The following XRN1 variants were observed in gnomAD, a reference collection of about 807,000 sequenced individuals.
XRN1 encodes the protein 5'-3' exoribonuclease 1, also known as strand-exchange protein 1 homolog.
XRN1 carries 67 observed loss-of-function variants against 222.3 expected under a neutral mutation model. The ratio of observed to expected loss-of-function variants is 0.30; its 90% confidence interval spans 0.25 to 0.37. The LOEUF (loss-of-function observed/expected upper bound fraction) is 0.37, where lower values mean the gene tolerates loss of function less well. Among genes scored for constraint, XRN1 ranks in the 10% least tolerant of loss-of-function variants. The pLI, the probability that XRN1 is intolerant of heterozygous loss-of-function variation, is 1.00. For missense variants in XRN1, 1,707 were observed against 2,000.2 expected, an observed-to-expected ratio of 0.85 and a Z score of 2.80; for synonymous variants, 643 against 652.4, an observed-to-expected ratio of 0.99 and a Z score of 0.22.
intron 23 of XRN1, 135 bp from the exon 24 acceptor site, chr3:142,376,729 T>G: frequency 1.5e-6 from 1 of 657,916 alleles, no homozygotes; most frequent in South Asian, 2.4e-5. Flanking sequence ...GATTTTCACT[T>G]AGATCCATTT....
chr3:142,334,400 A>G (rs1161338145), intron 34 of XRN1, among the ~76,000 whole-genome samples: 1 of 151,968 alleles, frequency 6.6e-6, no homozygotes, highest in East Asian at 1.9e-4. Context: ...ATATTAAAAT[A>G]TGATAGGCAT....
chr3:142,384,954 T>C (rs1051613283), intron 20 of XRN1, among the ~76,000 whole-genome samples: 11 of 152,122 alleles, frequency 7.2e-5, no homozygotes, highest in Admixed American at 7.2e-4. Flanking sequence ...AGGATCGTTA[T>C]AATTAAAAAA....
rs756868090 is a variant in XRN1, at chr3:142,335,425, A to C, written c.3939+23T>G. 4.3e-6 allele frequency: 7 copies of C among 1,611,600 alleles called. No homozygotes were observed. The South Asian group carries it at 6.6e-5, about 15-fold the overall frequency. ...TTGCATTAAAAAATTGGTAACTAGA[A>C]ATTTGATTTTAAGGAAGCTTACCTG... On this transcript the variant is annotated intron_variant, in intron 34 of 40. Transcript: ENST00000392981.
intron 15 of XRN1, among the ~76,000 whole-genome samples, chr3:142,406,397 T>G (rs377114676): frequency 4.6e-5 from 7 of 152,126 alleles, no homozygotes; most frequent in African/African-American, 1.7e-4. Context: ...ACTATAAAAC[T>G]ACTAGAATAA....
rs563597086 is a variant in XRN1, at chr3:142,373,278, T to C, written c.2979-1950A>G. 1.3e-3 allele frequency among the ~76,000 whole-genome samples: 202 copies of C among 151,786 alleles called. 2 individuals are homozygous for C. The highest frequency in any genetic ancestry group is 3.8e-3 in the African/African-American group (157 of 41,394). Reference sequence around the variant, plus strand: ...AAATTTTAAATGATAAACAATAAAGTTGAATGAATTTCCCAAAGTAGAACA... The same window carrying C: ...AAATTTTAAATGATAAACAATAAAGCTGAATGAATTTCCCAAAGTAGAACA... On this transcript the variant is annotated intron_variant, in intron 25 of 40. Transcript: ENST00000392981.
chr3:142,432,272 T>C (rs780646234), intron 2 of XRN1, among the ~76,000 whole-genome samples: 205 of 128,284 alleles, frequency 1.6e-3, no homozygotes, highest in Non-Finnish European at 2.7e-3. Context: ...TATAAAAAAT[T>C]AGCTGGGTCC....
intron 36 of XRN1, among the ~76,000 whole-genome samples, chr3:142,330,907 A>G (rs1003524528): frequency 1.3e-5 from 2 of 152,090 alleles, no homozygotes; most frequent in African/African-American, 4.8e-5. Context: ...CCCGGGTTCA[A>G]GCGATTCTCC....
At chr3:142,328,706 TA>T (rs1560291918) in intron 37 of XRN1, among the ~76,000 whole-genome samples, 12 of 1,764 alleles carry the variant, frequency 6.8e-3, no homozygotes, top group African/African-American at 8.2e-3. Flanking sequence ...TGTAATATTA[TA>T]TATATATATA....
chr3:142,374,940 G>T (rs2067097525), intron 25 of XRN1, among the ~76,000 whole-genome samples: 1 of 152,192 alleles, frequency 6.6e-6, no homozygotes, highest in Admixed American at 6.5e-5. Context: ...CACAGAGACA[G>T]ACATACAGAG....
chr3:142,361,492 G>C (rs1319515629), intron 29 of XRN1, among the ~76,000 whole-genome samples: 2 of 152,220 alleles, frequency 1.3e-5, no homozygotes, highest in South Asian at 2.1e-4. Flanking sequence ...CCCACCAATG[G>C]GGGGAGAAAA....
intron 23 of XRN1, among the ~76,000 whole-genome samples, chr3:142,377,160 A>G (rs781503888): frequency 1.2e-4 from 18 of 152,050 alleles, no homozygotes; most frequent in Non-Finnish European, 2.6e-4. Flanking sequence ...CATAATTAAT[A>G]CAGTCAATGA....
chr3:142,409,794 C>T (rs553914481), intron 15 of XRN1, among the ~76,000 whole-genome samples: 2 of 152,282 alleles, frequency 1.3e-5, no homozygotes, highest in African/African-American at 4.8e-5. Context: ...ATGATATAAT[C>T]CCTTCATTTA....
intron 37 of XRN1, among the ~76,000 whole-genome samples, chr3:142,321,672 C>T (rs1421875280): frequency 2.0e-5 from 3 of 152,140 alleles, no homozygotes; most frequent in African/African-American, 7.2e-5. Flanking sequence ...TGTATAAGCA[C>T]ATCATTTCCT....
chr3:142,404,444 AG>A (rs2068267126), intron 16 of XRN1, among the ~76,000 whole-genome samples: 1 of 93,660 alleles, frequency 1.1e-5, no homozygotes, highest in South Asian at 2.6e-4. Context: ...GTGAGAGAAG[AG>A]AAAAAAAAGG....
intron 20 of XRN1, among the ~76,000 whole-genome samples, chr3:142,390,844 T>C (rs576660224): frequency 2.0e-5 from 3 of 152,170 alleles, no homozygotes; most frequent in Non-Finnish European, 4.4e-5. Flanking sequence ...ATGTGATTCT[T>C]CCTTTCACTT....
chr3:142,382,608 C>G (rs923743254), intron 22 of XRN1, among the ~76,000 whole-genome samples: 9 of 152,094 alleles, frequency 5.9e-5, no homozygotes, highest in Non-Finnish European at 7.4e-5. Context: ...TGTATCTTCC[C>G]TGCCCCAGAT....
chr3:142,391,517 CT>C (rs2107977883), intron 20 of XRN1, among the ~76,000 whole-genome samples: 1 of 151,986 alleles, frequency 6.6e-6, no homozygotes, highest in East Asian at 1.9e-4. Flanking sequence ...TCACTTGAGG[CT>C]AGGTGTTTGA....
At chr3:142,393,565 C>T (rs1041633753) in intron 20 of XRN1, among the ~76,000 whole-genome samples, 2 of 151,470 alleles carry the variant, frequency 1.3e-5, no homozygotes, top group African/African-American at 4.9e-5. Context: ...TTTCCCAGCA[C>T]CATTTATTAA....
At chr3:142,417,314 T>C in intron 12 of XRN1, 85 bp from the exon 13 acceptor site, 1 of 1,024,954 alleles carries the variant, frequency 9.8e-7, no homozygotes, top group Admixed American at 2.1e-5. Context: ...ATACAACATT[T>C]TACCTCAGAT....
Sources: allele counts gnomAD v4.1 joint callset (sites outside exome capture counted in the v4.1 genomes callset), GRCh38; gene constraint gnomAD v4.1.1; transcripts MANE v1.5; gene names NCBI Gene and HGNC (gene_info 2026-07-23, HGNC 2026-07-21).